Variants in AP4E1 observed in about 807,000 individuals in gnomAD.
The protein encoded by AP4E1 is AP-4 complex subunit epsilon-1.
AP4E1 carries 56 observed loss-of-function variants against 128.2 expected under a neutral mutation model. That is an observed-to-expected ratio of 0.44 (90% CI 0.35 to 0.55). The LOEUF (loss-of-function observed/expected upper bound fraction) is 0.55, where lower values mean the gene tolerates loss of function less well. Among genes scored for constraint, AP4E1 ranks in the 20% least tolerant of loss-of-function variants. AP4E1 has a pLI of 0.00. For missense variants in AP4E1, 1,324 were observed against 1,307.7 expected (o/e 1.01, Z -0.19); for synonymous variants, 484 against 473.1 (o/e 1.02, Z -0.30).
intron 13 of AP4E1, among the ~76,000 whole-genome samples, chr15:50,958,266 C>G (rs997644232): frequency 6.6e-6 from 1 of 152,152 alleles, no homozygotes; most frequent in African/African-American, 2.4e-5. Context: ...TAAAGGTATG[C>G]TGCTTTATAT....
intron 14 of AP4E1, among the ~76,000 whole-genome samples, chr15:50,959,085 C>T (rs975711967): frequency 2.0e-5 from 3 of 152,020 alleles, no homozygotes; most frequent in Non-Finnish European, 2.9e-5. Flanking sequence ...GTGGTACATG[C>T]CTGTAATCCC....
intron 3 of AP4E1, among the ~76,000 whole-genome samples, chr15:50,916,738 A>AG (rs2063635586): frequency 6.6e-6 from 1 of 152,200 alleles, no homozygotes; most frequent in African/African-American, 2.4e-5. Flanking sequence ...TCCTCCAAGT[A>AG]GAATGTCCTT....
At chr15:50,958,929 C>A in intron 14 of AP4E1, 135 bp downstream of exon 14, 1 of 950,428 alleles carries the variant, frequency 1.1e-6, no homozygotes, top group Non-Finnish European at 1.6e-6. Flanking sequence ...AGTTCCTTTT[C>A]ACATTAGTAT....
At chr15:50,936,059 C>G (rs186614470) in intron 8 of AP4E1, among the ~76,000 whole-genome samples, 11 of 152,246 alleles carry the variant, frequency 7.2e-5, no homozygotes, top group Non-Finnish European at 1.2e-4. Context: ...ATGTATCTCT[C>G]CATGCTAAGT....
intron 16 of AP4E1, among the ~76,000 whole-genome samples, chr15:50,989,046 G>A (rs2064768511): frequency 6.6e-6 from 1 of 152,136 alleles, no homozygotes; most frequent in Admixed American, 6.5e-5. Flanking sequence ...TTGATAAATG[G>A]TAGTTGCTGT....
chr15:50,911,482 T>A lies in AP4E1; in HGVS notation c.151-596T>A, dbSNP rs2063566028. ...TTCTACTCTCTCTCCACCTTTAATT[T>A]TTTTTTTTTTTTTTTTTTTAGATGG... On this transcript the variant is annotated intron_variant, in intron 1 of 20. Transcript: ENST00000261842. 1.5e-4 allele frequency among the ~76,000 whole-genome samples: 4 copies of A among 27,466 alleles called. No homozygotes were observed. The Admixed American group carries it at 1.8e-3, about 12-fold the overall frequency. 18.0% of individuals were successfully genotyped at this position (27,466 alleles called of 152,430 possible).
At chr15:50,969,901 T>A (rs1017807868) in intron 15 of AP4E1, among the ~76,000 whole-genome samples, 1 of 152,110 alleles carries the variant, frequency 6.6e-6, no homozygotes. Flanking sequence ...CCTCGTGATC[T>A]GCCCGCCTTG....
At chr15:50,914,257 A>T (rs1169831527) in intron 2 of AP4E1, among the ~76,000 whole-genome samples, 2 of 152,196 alleles carry the variant, frequency 1.3e-5, no homozygotes, top group Non-Finnish European at 2.9e-5. Flanking sequence ...ATTAAACATT[A>T]TTATCCTTGC....
At chr15:50,967,168 A>T (rs527997455) in intron 14 of AP4E1, among the ~76,000 whole-genome samples, 2 of 152,322 alleles carry the variant, frequency 1.3e-5, no homozygotes, top group East Asian at 3.9e-4. Flanking sequence ...TTATATTAGG[A>T]TAGTTAAATC....
chr15:50,910,559 A>G (rs1457901838), intron 1 of AP4E1, among the ~76,000 whole-genome samples: 2 of 152,252 alleles, frequency 1.3e-5, no homozygotes, highest in East Asian at 3.8e-4. Flanking sequence ...AGTGCTCTGA[A>G]GGTTTAAAAA....
rs775078301 is a variant in AP4E1 at position 50,997,310 on chromosome 15, T to C, written c.2347-16T>C. On this transcript the variant is annotated splice_polypyrimidine_tract_variant and intron_variant, in intron 17 of 20. Coordinates refer to ENST00000261842, the MANE Select transcript of AP4E1 (RefSeq NM_007347.5). Reference sequence around the variant, plus strand: ...AGAATGATTTCTTTTTATATTATTATGTTTTATTTTTGCAGCTGGGAAAAG... The same window carrying C: ...AGAATGATTTCTTTTTATATTATTACGTTTTATTTTTGCAGCTGGGAAAAG... The C allele has an allele frequency of 2.8e-5, 44 of 1,571,150 alleles. No individual in the cohort carries two copies. The East Asian group carries it at 9.2e-4, about 33-fold the overall frequency.
At chr15:50,968,898 G>C (rs147753935) in intron 15 of AP4E1, among the ~76,000 whole-genome samples, 2 of 151,834 alleles carry the variant, frequency 1.3e-5, no homozygotes, top group Non-Finnish European at 2.9e-5. Context: ...GATTACAGGC[G>C]TGAGCCACTG....
chr15:50,962,690 G>A (rs895502807), intron 14 of AP4E1, among the ~76,000 whole-genome samples: 2 of 151,676 alleles, frequency 1.3e-5, no homozygotes, highest in Non-Finnish European at 2.9e-5. Context: ...GACATTGGTC[G>A]AGGCAAAGAT....
chr15:50,939,055 T>A (rs1429935543), intron 8 of AP4E1, among the ~76,000 whole-genome samples: 1 of 152,242 alleles, frequency 6.6e-6, no homozygotes, highest in Non-Finnish European at 1.5e-5. Context: ...GTGTCATAAA[T>A]GGTGGAACAT....
chr15:50,985,531 C>G (rs1235329340), intron 16 of AP4E1, among the ~76,000 whole-genome samples: 1 of 152,182 alleles, frequency 6.6e-6, no homozygotes. Context: ...CTACATGTGG[C>G]TAGCCAGTTT....
At chr15:50,909,973 C>T (rs992596220) in intron 1 of AP4E1, among the ~76,000 whole-genome samples, 12 of 149,126 alleles carry the variant, frequency 8.0e-5, no homozygotes, top group Non-Finnish European at 1.6e-4. Flanking sequence ...GCGTGAGCTA[C>T]CCTGCCCGGC....
rs1164968226 is a variant in AP4E1 at position 50,999,192 on chromosome 15, T to C, written c.3025T>C (p.Tyr1009His). 6.2e-7 allele frequency: 1 copy of C among 1,613,636 alleles called. No individual in the cohort carries two copies. Among genetic ancestry groups the C allele is most frequent in the Non-Finnish European group, 8.5e-7 (1 of 1,179,762 alleles). ...AGGAAATCTTACTGGTTTTATTAGT[T>C]ATCATATGATGGATACTCATTCTGC... ...TEGNLTGFIS[Y>H]HMMDTHSAQL... The change falls in exon 19 of 21, where the codon TAT (tyrosine) becomes CAT (histidine). Residue 1009 changes from tyrosine to histidine, a missense_variant. Tyr to His is a moderately conservative substitution (Grantham distance 83, BLOSUM62 2). Coordinates refer to ENST00000261842, the MANE Select transcript of AP4E1 (RefSeq NM_007347.5).
At chr15:50,923,138 G>A (rs529388392) in intron 3 of AP4E1, among the ~76,000 whole-genome samples, 1 of 152,316 alleles carries the variant, frequency 6.6e-6, no homozygotes, top group South Asian at 2.1e-4. Context: ...AGGATTAAAT[G>A]AAGTAATGCT....
intron 8 of AP4E1, among the ~76,000 whole-genome samples, chr15:50,937,626 A>G (rs1480579030): frequency 4.6e-5 from 7 of 152,244 alleles, no homozygotes; most frequent in Non-Finnish European, 7.3e-5. Context: ...CCGAGGAAGT[A>G]GAGATCATTA....
Sources: allele counts gnomAD v4.1 joint callset (sites outside exome capture counted in the v4.1 genomes callset), GRCh38; gene constraint gnomAD v4.1.1; transcripts MANE v1.5; gene names NCBI Gene and HGNC (gene_info 2026-07-23, HGNC 2026-07-21).